The following ABTB3 variants were observed in gnomAD, a reference collection of about 807,000 sequenced individuals.
ABTB3 encodes ankyrin repeat- and BTB/POZ domain-containing protein 3.
the ABTB3 span, among the ~76,000 whole-genome samples, chr12:107,575,524 C>T: frequency 6.6e-6 from 1 of 152,114 alleles, no homozygotes; most frequent in East Asian, 1.9e-4. Context: ...GTTCTGGCAG[C>T]CAGAAGTCTA....
the ABTB3 span, among the ~76,000 whole-genome samples, chr12:107,465,866 GC>G: frequency 4.6e-5 from 7 of 152,152 alleles, no homozygotes; most frequent in South Asian, 4.2e-4. Context: ...TCATGCTCTT[GC>G]AGAAAATAAA....
At chr12:107,617,897 G>A in the ABTB3 span, among the ~76,000 whole-genome samples, 3 of 152,094 alleles carry the variant, frequency 2.0e-5, no homozygotes, top group African/African-American at 7.2e-5. Context: ...GACAAGTGCA[G>A]AGTTCTAGAG....
At chr12:107,645,537 C>G in the ABTB3 span, among the ~76,000 whole-genome samples, 1 of 152,202 alleles carries the variant, frequency 6.6e-6, no homozygotes, top group East Asian at 1.9e-4. Context: ...CTGTGGGCAC[C>G]TGGGCCCCCC....
At chr12:107,495,687 G>A in the ABTB3 span, among the ~76,000 whole-genome samples, 1 of 152,140 alleles carries the variant, frequency 6.6e-6, no homozygotes, top group African/African-American at 2.4e-5. Context: ...TCTACAGCTG[G>A]TATTGCCTCT....
the ABTB3 span, among the ~76,000 whole-genome samples, chr12:107,560,160 G>A: frequency 2.0e-5 from 3 of 152,164 alleles, no homozygotes; most frequent in African/African-American, 7.2e-5. Flanking sequence ...TCCATCATGT[G>A]ACTGTACCGT....
the ABTB3 span, among the ~76,000 whole-genome samples, chr12:107,537,362 G>A: frequency 1.1e-4 from 17 of 152,216 alleles, 1 homozygote; most frequent in East Asian, 2.9e-3. Context: ...AGTTCAGAAA[G>A]CTAGAAGAGA....
the ABTB3 span, among the ~76,000 whole-genome samples, chr12:107,384,908 A>G: frequency 6.6e-6 from 1 of 152,222 alleles, no homozygotes; most frequent in Non-Finnish European, 1.5e-5. Context: ...CAGGGGTTAT[A>G]ACCAGAAACC....
At chr12:107,575,567 A>G in the ABTB3 span, among the ~76,000 whole-genome samples, 4 of 152,164 alleles carry the variant, frequency 2.6e-5, no homozygotes, top group Admixed American at 2.0e-4. Flanking sequence ...GTCAAGGTAT[A>G]GGCAGGGTTG....
At chr12:107,516,239 T>A in the ABTB3 span, among the ~76,000 whole-genome samples, 1 of 147,978 alleles carries the variant, frequency 6.8e-6, no homozygotes, top group Non-Finnish European at 1.5e-5. Context: ...TTTTTTTTTT[T>A]ATTTTTTTGG....
At chr12:107,630,779 A>G in the ABTB3 span, among the ~76,000 whole-genome samples, 1 of 152,148 alleles carries the variant, frequency 6.6e-6, no homozygotes, top group Non-Finnish European at 1.5e-5. Flanking sequence ...AGATCTACAG[A>G]AAAATTGAGA....
chr12:107,319,025 G>C, the ABTB3 span: 2 of 1,613,660 alleles, frequency 1.2e-6, no homozygotes, highest in Non-Finnish European at 1.7e-6. Flanking sequence ...GGCGGACTCG[G>C]TGCGCTCCTC....
At chr12:107,323,714 T>C in the ABTB3 span, among the ~76,000 whole-genome samples, 41 of 152,318 alleles carry the variant, frequency 2.7e-4, 1 homozygote, top group African/African-American at 9.4e-4. Context: ...CCTTGAAGAC[T>C]TGGCTTCAAG....
chr12:107,360,194 T>C, the ABTB3 span, among the ~76,000 whole-genome samples: 2 of 152,182 alleles, frequency 1.3e-5, no homozygotes, highest in Non-Finnish European at 2.9e-5. Flanking sequence ...GGAATGAAGG[T>C]AATGAAAGGC....
the ABTB3 span, among the ~76,000 whole-genome samples, chr12:107,514,532 C>CTTCATCA: frequency 6.6e-6 from 1 of 152,122 alleles, no homozygotes; most frequent in Non-Finnish European, 1.5e-5. Context: ...TCTTCATCAC[C>CTTCATCA]AGGCCACGGC....
chr12:107,407,916 G>A, the ABTB3 span, among the ~76,000 whole-genome samples: 3 of 152,028 alleles, frequency 2.0e-5, no homozygotes, highest in Non-Finnish European at 2.9e-5. Flanking sequence ...TCCCAGGAAC[G>A]TTGTACAGTG....
chr12:107,534,409 G>C, the ABTB3 span, among the ~76,000 whole-genome samples: 1 of 151,552 alleles, frequency 6.6e-6, no homozygotes, highest in Non-Finnish European at 1.5e-5. Flanking sequence ...CAAGAAGAAA[G>C]CAAACCCAAA....
chr12:107,410,292 A>AAAAAGT, the ABTB3 span, among the ~76,000 whole-genome samples: 1 of 150,892 alleles, frequency 6.6e-6, no homozygotes, highest in South Asian at 2.1e-4. Flanking sequence ...TAGGCAGAGG[A>AAAAAGT]AAAAGTACAA....
chr12:107,509,629 C>T, the ABTB3 span, among the ~76,000 whole-genome samples: 2 of 152,212 alleles, frequency 1.3e-5, no homozygotes, highest in Non-Finnish European at 2.9e-5. Context: ...AGCCTGGGAG[C>T]TTCGGGGACA....
At chr12:107,484,595 G>GA in the ABTB3 span, among the ~76,000 whole-genome samples, 3 of 129,040 alleles carry the variant, frequency 2.3e-5, no homozygotes, top group African/African-American at 1.1e-4. Context: ...GATCTGATCT[G>GA]ACTTTTTTTT....
Sources: allele counts gnomAD v4.1 joint callset (sites outside exome capture counted in the v4.1 genomes callset), GRCh38; gene constraint gnomAD v4.1.1; transcripts MANE v1.5; gene names NCBI Gene and HGNC (gene_info 2026-07-23, HGNC 2026-07-21).